PPFIA2: variants seen among roughly 807,000 people sequenced by gnomAD.
The protein encoded by PPFIA2 is PPFI scaffold protein A2.
Under a neutral mutation model 175.5 loss-of-function variants are expected in PPFIA2, and 46 were observed. The ratio of observed to expected loss-of-function variants is 0.26; its 90% CI spans 0.21 to 0.34. The LOEUF (loss-of-function observed/expected upper bound fraction) is 0.34. Among genes scored for constraint, PPFIA2 ranks in the 10% least tolerant of loss-of-function variants. PPFIA2 has a pLI of 1.00. For synonymous variants in PPFIA2, 568 were observed against 511.4 expected, an observed-to-expected ratio of 1.11 and a Z score of -1.49; for missense variants, 1,179 against 1,506.1, an observed-to-expected ratio of 0.78 and a Z score of 3.60.
intron 22 of PPFIA2, among the ~76,000 whole-genome samples, chr12:81,325,088 A>G (rs534140365): frequency 1.3e-5 from 2 of 152,206 alleles, no homozygotes; most frequent in African/African-American, 4.8e-5. Flanking sequence ...GAAGAAGGAA[A>G]AGAAATAATC....
chr12:81,312,047 G>A, intron 22 of PPFIA2: 3 of 956,168 alleles, frequency 3.1e-6, no homozygotes, highest in South Asian at 3.1e-5. Flanking sequence ...TTCATTTCAG[G>A]TCAGAGGCAG....
intron 3 of PPFIA2, among the ~76,000 whole-genome samples, chr12:81,729,450 G>A (rs934360549): frequency 1.3e-5 from 2 of 151,540 alleles, no homozygotes. Flanking sequence ...ACTTTGCAGT[G>A]AATTCCTGAC....
chr12:81,520,358 C>A (rs1159744063), intron 4 of PPFIA2, among the ~76,000 whole-genome samples: 2 of 152,218 alleles, frequency 1.3e-5, no homozygotes, highest in African/African-American at 2.4e-5. Flanking sequence ...TGGTGGGTAG[C>A]AACTTAAAAC....
intron 4 of PPFIA2, among the ~76,000 whole-genome samples, chr12:81,576,406 ACTT>A (rs2073554813): frequency 1.3e-5 from 2 of 151,730 alleles, no homozygotes; most frequent in South Asian, 2.1e-4. Context: ...GGGAAACAAA[ACTT>A]CTTTCAGTCA....
intron 4 of PPFIA2, among the ~76,000 whole-genome samples, chr12:81,605,182 GCCTTT>G (rs1193041155): frequency 6.6e-6 from 1 of 151,798 alleles, no homozygotes; most frequent in Non-Finnish European, 1.5e-5. Context: ...ATTTGACATA[GCCTTT>G]CTTTCATTCA....
At chr12:81,317,408 T>C (rs2052641809) in intron 22 of PPFIA2, among the ~76,000 whole-genome samples, 1 of 151,566 alleles carries the variant, frequency 6.6e-6, no homozygotes. Flanking sequence ...CTGTTTAGCT[T>C]AAGCGTGACT....
rs2136048444 is a variant in PPFIA2, at chr12:81,259,475, T to G, written c.*219A>C. 1 of 690,000 alleles carries G rather than the reference T, an allele frequency of 1.4e-6. No homozygotes were observed. Among genetic ancestry groups the G allele is most frequent in the East Asian group, 2.7e-5 (1 of 36,474 alleles). 42.7% of individuals were successfully genotyped at this position (690,000 alleles called of 1,614,324 possible). ...GTTTATTATTCAAATGACTTAAGCA[T>G]TTTATTACAATTTGTAGTAAACTAA... is the stretch of plus-strand genomic sequence containing the variant. On this transcript the variant is annotated 3_prime_UTR_variant, in exon 33 of 33. Coordinates refer to ENST00000549396, the MANE Select transcript of PPFIA2 (RefSeq NM_003625.5).
At chr12:81,692,616 T>G (rs2895901) in intron 3 of PPFIA2, among the ~76,000 whole-genome samples, 48,609 of 151,946 alleles carry the variant, frequency 0.32, 8,716 homozygotes, top group Middle Eastern at 0.49. Flanking sequence ...CCTCTGGATT[T>G]TATGGTCTGG....
At chr12:81,267,727 GA>G (rs1290845498) in intron 29 of PPFIA2, among the ~76,000 whole-genome samples, 184 bp downstream of exon 29, 1,550 of 136,650 alleles carry the variant, frequency 0.011, 14 homozygotes, top group Middle Eastern at 0.026. Flanking sequence ...TTAATTGTAT[GA>G]TTTTTTTTTT....
At chr12:81,574,096 CA>C (rs1488187751) in intron 4 of PPFIA2, among the ~76,000 whole-genome samples, 1 of 151,776 alleles carries the variant, frequency 6.6e-6, no homozygotes, top group Non-Finnish European at 1.5e-5. Context: ...TGTAACAATA[CA>C]AAAATAGTTA....
intron 9 of PPFIA2, among the ~76,000 whole-genome samples, chr12:81,376,171 T>C (rs1566540643): frequency 6.6e-6 from 1 of 152,322 alleles, no homozygotes; most frequent in East Asian, 1.9e-4. Flanking sequence ...TGTCTAAGAA[T>C]GCAATGGAGT....
chr12:81,466,951 T>C (rs1038310388), intron 4 of PPFIA2, among the ~76,000 whole-genome samples: 6 of 148,170 alleles, frequency 4.0e-5, no homozygotes, highest in Admixed American at 2.7e-4. Context: ...TAAATATATA[T>C]ATATTAAAAA....
At chr12:81,478,640 G>T (rs2057791515) in intron 4 of PPFIA2, among the ~76,000 whole-genome samples, 1 of 152,146 alleles carries the variant, frequency 6.6e-6, no homozygotes, top group Admixed American at 6.5e-5. Context: ...TGGTTTCAAA[G>T]AACTTATTTA....
intron 17 of PPFIA2, among the ~76,000 whole-genome samples, chr12:81,350,771 A>G (rs1406511004): frequency 6.6e-6 from 1 of 151,390 alleles, no homozygotes; most frequent in Non-Finnish European, 1.5e-5. Context: ...GAACTAGCAT[A>G]CTACAAAGAA....
intron 4 of PPFIA2, among the ~76,000 whole-genome samples, chr12:81,611,372 G>A (rs894565880): frequency 6.6e-6 from 1 of 152,148 alleles, no homozygotes; most frequent in Non-Finnish European, 1.5e-5. Flanking sequence ...CTGCAAGGGG[G>A]GTTCCTCCCC....
intron 3 of PPFIA2, among the ~76,000 whole-genome samples, chr12:81,746,177 G>A (rs954295295): frequency 1.4e-5 from 2 of 144,266 alleles, no homozygotes; most frequent in South Asian, 2.3e-4. Context: ...ATGGCATAGC[G>A]GGAGTGTTCA....
At chr12:81,548,042 A>G (rs2067260440) in intron 4 of PPFIA2, among the ~76,000 whole-genome samples, 1 of 152,178 alleles carries the variant, frequency 6.6e-6, no homozygotes, top group Non-Finnish European at 1.5e-5. Flanking sequence ...TTGCATTTCA[A>G]TCAGCTTTCC....
Position 81,750,515 on chromosome 12 carries a change from A to C in PPFIA2, c.249+3458T>G, listed in dbSNP as rs1438084148. 2.8e-5 allele frequency among the ~76,000 whole-genome samples: 3 copies of C among 106,650 alleles called. 1 individual carries two copies. Among genetic ancestry groups the C allele is most frequent in the African/African-American group, 7.8e-5 (3 of 38,284 alleles). 70.0% of individuals were successfully genotyped at this position (106,650 alleles called of 152,430 possible). A position where few individuals can be genotyped will look rare whatever the true frequency, so the allele number is the denominator to read the frequency against. ...GGAGGTAGATGATGACTGGGTTTGGAGCATGTTGAATCTGAGGTTCTGTGG... is the reference window on the plus strand; with the variant it reads ...GGAGGTAGATGATGACTGGGTTTGGCGCATGTTGAATCTGAGGTTCTGTGG... On this transcript the variant is annotated intron_variant, in intron 3 of 32. Coordinates refer to ENST00000549396, the MANE Select transcript of PPFIA2 (RefSeq NM_003625.5).
intron 24 of PPFIA2, among the ~76,000 whole-genome samples, chr12:81,287,346 T>C (rs918776820): frequency 4.6e-5 from 7 of 151,942 alleles, no homozygotes; most frequent in South Asian, 2.1e-4. Context: ...CTTTCACAGA[T>C]TATCTTTAAG....
Sources: gnomAD v4.1 joint callset for allele counts (sites outside exome capture counted in the v4.1 genomes callset) on GRCh38, gnomAD v4.1.1 for gene constraint, MANE v1.5 for transcripts, NCBI Gene and HGNC (gene_info 2026-07-23, HGNC 2026-07-21) for gene names.